The following DGCR2 variants were observed in gnomAD, a reference collection of about 807,000 sequenced individuals.
DGCR2 encodes the protein integral membrane protein DGCR2/IDD.
In DGCR2, 24 loss-of-function variants were observed where a neutral mutation model predicts 51.6. The observed-to-expected ratio is 0.47, with a 90% CI of 0.34 to 0.65. The LOEUF is 0.65. Among genes scored for constraint, DGCR2 ranks in the 30% least tolerant of loss-of-function variants. DGCR2 has a pLI of 0.01. For synonymous variants in DGCR2, 340 were observed against 315.4 expected, an observed-to-expected ratio of 1.08 and a Z score of -0.82; for missense variants, 765 against 772.1, an observed-to-expected ratio of 0.99 and a Z score of 0.11.
chr22:19,108,604 AGAT>A (rs1194227147), intron 1 of DGCR2, among the ~76,000 whole-genome samples: 2 of 131,718 alleles, frequency 1.5e-5, no homozygotes, highest in Non-Finnish European at 3.3e-5. Context: ...AAAAAAAAAA[AGAT>A]GCACAGGCCA....
intron 2 of DGCR2, among the ~76,000 whole-genome samples, chr22:19,071,943 G>A (rs1015271715): frequency 1.3e-5 from 2 of 152,126 alleles, no homozygotes; most frequent in African/African-American, 4.8e-5. Flanking sequence ...GGTGCGGCAG[G>A]ACACTATCAG....
intron 4 of DGCR2, among the ~76,000 whole-genome samples, chr22:19,063,515 T>TTC (rs1555904174): frequency 7.0e-6 from 1 of 143,750 alleles, no homozygotes; most frequent in Non-Finnish European, 1.5e-5. Context: ...ATTTTTGTAT[T>TTC]TTTTTTTTTT....
intron 2 of DGCR2, among the ~76,000 whole-genome samples, chr22:19,077,536 T>C (rs970001208): frequency 1.3e-5 from 2 of 152,186 alleles, no homozygotes; most frequent in Admixed American, 6.6e-5. Context: ...TTCTATTCCA[T>C]TGGTCTATAT....
intron 1 of DGCR2, among the ~76,000 whole-genome samples, chr22:19,102,964 T>G (rs1056273019): frequency 6.6e-6 from 1 of 152,088 alleles, no homozygotes; most frequent in Non-Finnish European, 1.5e-5. Flanking sequence ...TATGATTTGA[T>G]TGCACCACTG....
At chr22:19,069,317 C>T (rs953810232) in intron 2 of DGCR2, among the ~76,000 whole-genome samples, 3 of 152,218 alleles carry the variant, frequency 2.0e-5, no homozygotes, top group Non-Finnish European at 4.4e-5. Context: ...ACGAGCCCCT[C>T]TCCAGCAGGT....
intron 2 of DGCR2, among the ~76,000 whole-genome samples, chr22:19,081,423 T>TG (rs2082935428): frequency 6.6e-6 from 1 of 152,258 alleles, no homozygotes; most frequent in Non-Finnish European, 1.5e-5. Flanking sequence ...TTTAGCAACT[T>TG]GCTTTTAGCT....
In DGCR2 at chr22:19,041,808, G is replaced by A; in HGVS notation, c.1158C>T (p.Asn386=). 1.2e-6 allele frequency: 2 copies of A among 1,611,730 alleles called. 1 individual carries two copies. ...RERIESLIGA[N]LHHFNLGRRI... ...TTGTGGCCCTCAGAGGGCACTTACA[G>A]TTTGCTCCAATCAGGGACTCGATGC... The change falls in exon 8 of 10, where the codon AAC becomes AAT. Residue 386 remains asparagine, a splice_region_variant and synonymous_variant. Coordinates refer to ENST00000263196, the MANE Select transcript of DGCR2 (RefSeq NM_005137.3).
At chr22:19,106,234 A>T (rs773150387) in intron 1 of DGCR2, among the ~76,000 whole-genome samples, 3 of 152,168 alleles carry the variant, frequency 2.0e-5, no homozygotes, top group Non-Finnish European at 2.9e-5. Flanking sequence ...GAGGCCCAAA[A>T]GAGAAAATTA....
chr22:19,116,410 A>G (rs757483672), intron 1 of DGCR2, among the ~76,000 whole-genome samples: 3 of 152,258 alleles, frequency 2.0e-5, no homozygotes, highest in Admixed American at 6.5e-5. Context: ...ACTTCCCAGG[A>G]CAACTGGTAA....
intron 1 of DGCR2, among the ~76,000 whole-genome samples, chr22:19,104,855 A>G (rs1472342206): frequency 1.3e-5 from 2 of 152,222 alleles, no homozygotes; most frequent in African/African-American, 2.4e-5. Flanking sequence ...GCTACTAGGA[A>G]AGGGAGATTT....
At chr22:19,090,146 T>C (rs371079716) in intron 1 of DGCR2, among the ~76,000 whole-genome samples, 42 of 152,176 alleles carry the variant, frequency 2.8e-4, no homozygotes, top group African/African-American at 8.9e-4. Context: ...GATATAATAA[T>C]AGAAACACTC....
Position 19,058,422 on chromosome 22 carries a change from G to A in DGCR2, c.626-1260C>T, listed in dbSNP as rs138482521. ...GTCACCTCCCCATACCACCTGGAGG[G>A]CTGGTCTCCACTGCTGACAGTGGGT... On this transcript the variant is annotated intron_variant, in intron 5 of 9. Coordinates refer to ENST00000263196, the MANE Select transcript of DGCR2 (RefSeq NM_005137.3). 2.0e-3 allele frequency among the ~76,000 whole-genome samples: 302 copies of A among 152,252 alleles called. 4 individuals carry two copies. Among genetic ancestry groups the A allele is most frequent in the Admixed American group, 0.016 (244 of 15,296 alleles).
At chr22:19,092,350 A>AG (rs2083088147) in intron 1 of DGCR2, among the ~76,000 whole-genome samples, 1 of 151,994 alleles carries the variant, frequency 6.6e-6, no homozygotes, top group African/African-American at 2.4e-5. Flanking sequence ...TCTTAAAAAA[A>AG]AAAAAATACT....
intron 1 of DGCR2, among the ~76,000 whole-genome samples, chr22:19,101,708 T>C (rs1029558979): frequency 3.0e-5 from 4 of 134,038 alleles, no homozygotes; most frequent in Non-Finnish European, 6.1e-5. Context: ...GCCATTGCAC[T>C]CCAGCCTGGG....
chr22:19,101,853 A>C (rs1387332365), intron 1 of DGCR2, among the ~76,000 whole-genome samples: 2 of 152,016 alleles, frequency 1.3e-5, no homozygotes, highest in African/African-American at 2.4e-5. Context: ...CCAGGAGCTC[A>C]AGGTCAGCCT....
chr22:19,077,400 G>T (rs1475503225), intron 2 of DGCR2, among the ~76,000 whole-genome samples: 1 of 152,134 alleles, frequency 6.6e-6, no homozygotes, highest in Non-Finnish European at 1.5e-5. Context: ...CTTTTGATTT[G>T]TATGTCCAGT....
At chr22:19,105,717 AGCAGACCTGGGAGG>A (rs1311082531) in intron 1 of DGCR2, among the ~76,000 whole-genome samples, 2 of 151,852 alleles carry the variant, frequency 1.3e-5, no homozygotes, top group East Asian at 3.9e-4. Context: ...TCAGACAGAG[AGCAGACCTGGGAGG>A]GCAGAGCTAG....
At chr22:19,103,579 C>T (rs979385223) in intron 1 of DGCR2, among the ~76,000 whole-genome samples, 3 of 149,886 alleles carry the variant, frequency 2.0e-5, no homozygotes, top group Non-Finnish European at 4.4e-5. Context: ...TAGGCGCGCA[C>T]CATCACGCCC....
chr22:19,118,773 G>A (rs1300142153), intron 1 of DGCR2, among the ~76,000 whole-genome samples: 2 of 152,192 alleles, frequency 1.3e-5, no homozygotes, highest in African/African-American at 4.8e-5. Context: ...TAGAGCTGTG[G>A]CTCATGATAT....
Sources: gnomAD v4.1 joint callset for allele counts (sites outside exome capture counted in the v4.1 genomes callset) on GRCh38, gnomAD v4.1.1 for gene constraint, MANE v1.5 for transcripts, NCBI Gene and HGNC (gene_info 2026-07-23, HGNC 2026-07-21) for gene names.